The following MIA2 variants were observed in gnomAD, a reference collection of about 807,000 sequenced individuals.
MIA2 encodes melanoma inhibitory activity protein 2.
MIA2 carries 127 observed loss-of-function variants against 167.8 expected under a neutral mutation model. The observed-to-expected ratio is 0.76, with a 90% CI of 0.66 to 0.88. MIA2 has a LOEUF of 0.88. Among genes scored for constraint, MIA2 ranks in the 40% least tolerant of loss-of-function variants. MIA2 has a pLI of 0.00. For synonymous variants in MIA2, 552 were observed against 541.9 expected (o/e 1.02, Z -0.26); for missense variants, 1,690 against 1,624.7 (o/e 1.04, Z -0.69).
chr14:39,266,677 T>G (rs1482505562), intron 6 of MIA2: 1 of 985,472 alleles, frequency 1.0e-6, no homozygotes, highest in Non-Finnish European at 1.2e-6. Flanking sequence ...CAGGCCATTT[T>G]TCTGACTGGA....
chr14:39,327,071 G>C, intron 25 of MIA2, 49 bp downstream of exon 25: 1 of 1,371,528 alleles, frequency 7.3e-7, no homozygotes, highest in Non-Finnish European at 9.6e-7. Context: ...CAGCTGGGAT[G>C]TGGAATACAC....
rs900829298 is a variant in MIA2 at position 39,247,389 on chromosome 14, C to G, written c.815C>G (p.Pro272Arg). 1 of 1,613,890 alleles carries G rather than the reference C, an allele frequency of 6.2e-7. No individual in the cohort carries two copies. The highest frequency in any genetic ancestry group is 1.1e-5 in the South Asian group (1 of 91,078). Residue 272 changes from proline (P) to arginine (R), a missense_variant, in exon 4 of 29, where the codon CCT becomes CGT. Physicochemically the swap from Pro to Arg is moderately radical, Grantham distance 103. Coordinates refer to ENST00000640607, the MANE Select transcript of MIA2 (RefSeq NM_001329214.4). ...CTAGAGGAATTAAATAATGGTGAGC[C>G]TCAAACAGAACATCAGCAAGAATCT... Reference protein sequence around the residue: ...NDLEELNNGEPQTEHQQESES... With the variant: ...NDLEELNNGERQTEHQQESES...
At chr14:39,354,125 C>T (rs921264975), downstream of MIA2, among the ~76,000 whole-genome samples, 3 of 152,164 alleles carry the variant, frequency 2.0e-5, no homozygotes, top group African/African-American at 7.2e-5. Context: ...TTCTAGATCC[C>T]TGAGGAATCA....
intron 6 of MIA2, chr14:39,265,531 T>C: frequency 1.3e-6 from 1 of 774,442 alleles, no homozygotes; most frequent in South Asian, 1.7e-5. Context: ...GATTTTTCTT[T>C]TTTTTTCATT....
At chr14:39,297,068 C>T (rs779464204) in intron 13 of MIA2, among the ~76,000 whole-genome samples, 3 of 151,876 alleles carry the variant, frequency 2.0e-5, no homozygotes, top group South Asian at 2.1e-4. Flanking sequence ...CGAGCCACCA[C>T]GCCCGGCTAT....
At chr14:39,380,383 C>T (rs977786655) in intron 23 of MIA2, among the ~76,000 whole-genome samples, 2 of 151,986 alleles carry the variant, frequency 1.3e-5, no homozygotes, top group African/African-American at 4.8e-5. Context: ...GAGAGAAAGT[C>T]GGTGGGCTAG....
At position 39,340,606 on chromosome 14, in the gene MIA2, G is replaced by C. The variant is rs542092350; in HGVS notation, c.3656-5298G>C. ...TTAGTAGAATTATAGTTTGTCTTAAGGCTCATTTTGATCTCTTTGATGAAA... is the reference window on the plus strand; with the variant it reads ...TTAGTAGAATTATAGTTTGTCTTAACGCTCATTTTGATCTCTTTGATGAAA... On this transcript the variant is annotated intron_variant, in intron 25 of 28. Coordinates refer to ENST00000640607, the MANE Select transcript of MIA2 (RefSeq NM_001329214.4). 1.6e-4 allele frequency among the ~76,000 whole-genome samples: 25 copies of C among 152,222 alleles called. No individual in the cohort carries two copies. In the South Asian group the frequency reaches 5.2e-3, roughly 32 times the overall value.
intron 23 of MIA2, chr14:39,386,564 T>C (rs983948049): frequency 8.4e-7 from 1 of 1,195,032 alleles, no homozygotes; most frequent in African/African-American, 1.5e-5. Context: ...TTTTGGTCTC[T>C]TTGTTATCAT....
Position 39,244,636 on chromosome 14 carries a change from C to T in MIA2, c.337-2275C>T, listed in dbSNP as rs189397960. Among the ~76,000 whole-genome samples, 12 of 152,130 alleles carry T rather than the reference C, an allele frequency of 7.9e-5. No individual in the cohort carries two copies. The East Asian group carries it at 2.3e-3, about 29-fold the overall frequency. ...TAATATCCAAAGGCAGCACACATCG[C>T]TATTTCTAACATTCAGATTAAAAAA... On this transcript the variant is annotated intron_variant, in intron 3 of 28. Transcript: ENST00000640607.
Position 39,344,047 on chromosome 14 carries a change from T to A in MIA2, c.3656-1857T>A, listed in dbSNP as rs182886348. 1.2e-3 allele frequency among the ~76,000 whole-genome samples: 184 copies of A among 152,344 alleles called. 2 individuals are homozygous for A. Among genetic ancestry groups the A allele is most frequent in the Admixed American group, 0.011 (172 of 15,302 alleles). On this transcript the variant is annotated intron_variant, in intron 25 of 28. Transcript: ENST00000640607. ...TTATGTGTTTCTATCAGAATTAGAC[T>A]GTAAGGACATGGGGTTTATCAAGGC...
intron 13 of MIA2, among the ~76,000 whole-genome samples, chr14:39,295,773 T>C (rs1489534710): frequency 2.0e-5 from 3 of 152,148 alleles, no homozygotes; most frequent in African/African-American, 7.2e-5. Flanking sequence ...TTGGCCAGGA[T>C]GGTCTCAATC....
intron 6 of MIA2, chr14:39,266,628 T>G (rs2055696267): frequency 1.0e-6 from 1 of 985,288 alleles, no homozygotes; most frequent in Non-Finnish European, 1.2e-6. Context: ...AAGTCCAAAG[T>G]CCGGACGTGG....
At chr14:39,273,144 C>A (rs1015106993) in intron 6 of MIA2, among the ~76,000 whole-genome samples, 1 of 151,136 alleles carries the variant, frequency 6.6e-6, no homozygotes, top group African/African-American at 2.4e-5. Flanking sequence ...ATTTATTTTT[C>A]TTTCCTAATT....
intron 9 of MIA2, among the ~76,000 whole-genome samples, chr14:39,289,450 T>C (rs1566754971): frequency 6.6e-6 from 1 of 152,142 alleles, no homozygotes; most frequent in Non-Finnish European, 1.5e-5. Flanking sequence ...CCTGACCTCA[T>C]GATCCCTGTG....
chr14:39,236,329 G>C (rs963304488), intron 1 of MIA2, among the ~76,000 whole-genome samples: 1 of 152,110 alleles, frequency 6.6e-6, no homozygotes, highest in Admixed American at 6.5e-5. Context: ...ATGGTGTCTA[G>C]GTTGGGGAAA....
chr14:39,266,870 TAGG>T (rs1192066351), intron 6 of MIA2: 6 of 737,544 alleles, frequency 8.1e-6, no homozygotes, highest in African/African-American at 1.9e-5. Context: ...GAGACGCCTC[TAGG>T]AGAAGTCTCG....
At chr14:39,296,081 G>A (rs1263782394) in intron 13 of MIA2, among the ~76,000 whole-genome samples, 4 of 151,664 alleles carry the variant, frequency 2.6e-5, no homozygotes, top group Non-Finnish European at 5.9e-5. Flanking sequence ...AACTTATTCT[G>A]TAGGTGTGTG....
chr14:39,348,976 A>T lies in MIA2; in HGVS notation c.4071A>T (p.Ala1357=). The T allele has an allele frequency of 6.2e-7, 1 of 1,612,404 alleles. No individual in the cohort carries two copies. Among genetic ancestry groups the T allele is most frequent in the Non-Finnish European group, 8.5e-7 (1 of 1,178,524 alleles). The stretch of plus-strand genomic sequence containing the variant: ...CAGGTCCACCACCTGCTCCATTTGC[A>T]AGTATGCTTTTTTAAACTTTTTTTT... ...DFPGPPPAPF[A]MRNVYPPRGF... is the part of the protein sequence containing the mutation. The change falls in exon 28 of 29, where the codon GCA becomes GCT. Residue 1357 remains alanine (A), a splice_region_variant and synonymous_variant. Transcript: ENST00000640607.
chr14:39,267,052 C>T, intron 6 of MIA2: 5 of 1,040,908 alleles, frequency 4.8e-6, no homozygotes, highest in Non-Finnish European at 5.8e-6. Flanking sequence ...AGAGCGCCGG[C>T]CCCTTTAAGA....
Sources: allele counts gnomAD v4.1 joint callset (sites outside exome capture counted in the v4.1 genomes callset), GRCh38; gene constraint gnomAD v4.1.1; transcripts MANE v1.5; gene names NCBI Gene and HGNC (gene_info 2026-07-23, HGNC 2026-07-21).